CDC42BPG: variants seen among roughly 807,000 people sequenced by gnomAD.
CDC42BPG encodes the protein serine/threonine-protein kinase MRCK gamma.
Under a neutral mutation model 192.2 loss-of-function variants are expected in CDC42BPG, and 157 were observed. That is an observed-to-expected ratio of 0.82 (90% CI 0.72 to 0.93). CDC42BPG has a LOEUF of 0.93. Ranked by LOEUF, CDC42BPG falls within the 40% of genes least tolerant of loss-of-function variation. CDC42BPG has a pLI of 0.00. For missense variants in CDC42BPG, 1,992 were observed against 2,122.1 expected (o/e 0.94, Z 1.20); for synonymous variants, 981 against 918.5 (o/e 1.07, Z -1.23).
In CDC42BPG at chr11:64,823,412, G is replaced by A. The variant is rs1024104137; in HGVS notation, c.*1061C>T. On this transcript the variant is annotated 3_prime_UTR_variant, in exon 37 of 37. Transcript: ENST00000342711. ...CTTTATTGGTTTCTTGCGCCTCACA[G>A]AGCATCAGGGTCTGTCCCTCCTGGG... 4.6e-5 allele frequency: 7 copies of A among 152,254 alleles called. No homozygotes were observed. The highest frequency in any genetic ancestry group is 1.4e-4 in the African/African-American group (6 of 41,544). 9.4% of individuals were successfully genotyped at this position (152,254 alleles called of 1,614,324 possible).
rs879246791 is a variant in CDC42BPG, at chr11:64,836,630, A to G, written c.1385-100T>C. ...CTGTTTCCCACACGCGGGCTCAGAG[A>G]GTATAAAATGCTCTCCCAGGATCAT... On this transcript the variant is annotated intron_variant, in intron 11 of 36. Coordinates refer to ENST00000342711, the MANE Select transcript of CDC42BPG (RefSeq NM_017525.3). The G allele has an allele frequency of 5.4e-5, 66 of 1,226,816 alleles. 1 individual carries two copies. The South Asian group carries it at 8.2e-4, about 15-fold the overall frequency. The allele number at this position is 1,226,816 out of a possible 1,614,324, so 76.0% of individuals were successfully genotyped here. A position where few individuals can be genotyped will look rare whatever the true frequency, so the allele number is the denominator to read the frequency against.
rs1283384199 is a variant in CDC42BPG at position 64,833,925 on chromosome 11, C to T, written c.2466G>A (p.Glu822=). 1.2e-6 allele frequency: 2 copies of T among 1,614,252 alleles called. No individual in the cohort carries two copies. Among genetic ancestry groups the T allele is most frequent in the South Asian group, 1.1e-5 (1 of 91,092 alleles). ...ACAAGCCCCTTGGCCTGGTCCTTACCTCTGAGCTCCGGAAGGACAGGAAGG... is the reference window on the plus strand; with the variant it reads ...ACAAGCCCCTTGGCCTGGTCCTTACTTCTGAGCTCCGGAAGGACAGGAAGG... ...LIPFLSFRSS[E]KDSAKDPGIS... is the part of the protein sequence containing the mutation. The change falls in exon 21 of 37, where the codon GAG becomes GAA. Residue 822 remains glutamate (E), a splice_region_variant and synonymous_variant. Transcript: ENST00000342711.
At chr11:64,831,436 G>A in intron 28 of CDC42BPG, 69 bp downstream of exon 28, 1 of 1,418,950 alleles carries the variant, frequency 7.0e-7, no homozygotes, top group Non-Finnish European at 9.7e-7. Flanking sequence ...GTGGCCCTTG[G>A]GACTATTCCT....
At chr11:64,840,334 G>A (rs533526018) in intron 4 of CDC42BPG, 66 bp from the exon 5 acceptor site, 45 of 1,572,070 alleles carry the variant, frequency 2.9e-5, no homozygotes, top group East Asian at 6.8e-5. Context: ...CCGCGGTCCC[G>A]CAGGGCTCTG....
Position 64,824,279 on chromosome 11 carries a change from G to A in CDC42BPG, c.*194C>T. 2 of 664,668 alleles carry A rather than the reference G, an allele frequency of 3.0e-6. No homozygotes were observed. The highest frequency in any genetic ancestry group is 5.5e-6 in the Non-Finnish European group (2 of 360,736). 41.2% of individuals were successfully genotyped at this position (664,668 alleles called of 1,614,324 possible). A position where few individuals can be genotyped will look rare whatever the true frequency, so the allele number is the denominator to read the frequency against. On this transcript the variant is annotated 3_prime_UTR_variant, in exon 37 of 37. Transcript: ENST00000342711. Reference sequence around the variant, plus strand: ...GCTGGGGCTGGGAACAGAGGGGTAAGGCAGGATGAGGGCTGGGAGTCAGGA... The same window carrying A: ...GCTGGGGCTGGGAACAGAGGGGTAAAGCAGGATGAGGGCTGGGAGTCAGGA...
Position 64,839,524 on chromosome 11 carries a change from C to T in CDC42BPG, c.629G>A (p.Arg210His), listed in dbSNP as rs747223606. The stretch of plus-strand genomic sequence containing the variant: ...CAGGCAGGAGCCGAAGTCAGCCAGG[C>T]GAATGTGCCCGTTCACATCCAGCAG... ...NVLLDVNGHI[R>H]LADFGSCLRL... The change falls in exon 6 of 37, where the codon CGC (arginine) becomes CAC (histidine). Residue 210 changes from arginine (R) to histidine (H), a missense_variant. Physicochemically the swap from Arg to His is conservative, Grantham distance 29. Coordinates refer to ENST00000342711, the MANE Select transcript of CDC42BPG (RefSeq NM_017525.3). The T allele has an allele frequency of 4.4e-5, 71 of 1,613,064 alleles. No individual in the cohort carries two copies. Among genetic ancestry groups the T allele is most frequent in the African/African-American group, 1.5e-4 (11 of 74,938 alleles).
chr11:64,843,884 G>T (rs181514465), intron 1 of CDC42BPG, among the ~76,000 whole-genome samples: 6 of 152,176 alleles, frequency 3.9e-5, no homozygotes, highest in South Asian at 2.1e-4. Flanking sequence ...GTGTGTTGGT[G>T]GGGGGAAGGT....
In CDC42BPG at chr11:64,840,622, A is replaced by G; in HGVS notation, c.363T>C (p.Asp121=). 6.2e-7 allele frequency: 1 copy of G among 1,613,896 alleles called. No homozygotes were observed. Among genetic ancestry groups the G allele is most frequent in the Non-Finnish European group, 8.5e-7 (1 of 1,180,008 alleles). ...AACGGCTGTCCCCTTTCACGAGCAC[A>G]TCCCGCTCCTCCCGGAAACAGGCTG... ...AETACFREER[D]VLVKGDSRWV... The change falls in exon 4 of 37, where the codon GAT becomes GAC. Residue 121 remains aspartate, a synonymous_variant. Transcript: ENST00000342711.
chr11:64,830,177 C>G lies in CDC42BPG; in HGVS notation c.3367+17G>C. 6.2e-7 allele frequency: 1 copy of G among 1,613,620 alleles called. No individual in the cohort carries two copies. On this transcript the variant is annotated intron_variant, in intron 29 of 36. Coordinates refer to ENST00000342711, the MANE Select transcript of CDC42BPG (RefSeq NM_017525.3). Reference sequence around the variant, plus strand: ...TGCCCCTGCCCACGCCCACCCTAGCCCAGCTTTGATAGGTACCGTTGCTGC... The same window carrying G: ...TGCCCCTGCCCACGCCCACCCTAGCGCAGCTTTGATAGGTACCGTTGCTGC...
Position 64,824,386 on chromosome 11 carries a change from G to T in CDC42BPG, c.*87C>A, listed in dbSNP as rs1033643234. The T allele has an allele frequency of 6.1e-6, 6 of 978,442 alleles. No individual in the cohort carries two copies. The highest frequency in any genetic ancestry group is 8.3e-6 in the Non-Finnish European group (5 of 598,962). The allele number at this position is 978,442 out of a possible 1,614,324, so 60.6% of individuals were successfully genotyped here. A position where few individuals can be genotyped will look rare whatever the true frequency, so the allele number is the denominator to read the frequency against. Reference sequence around the variant, plus strand: ...CCCTGAGTCCGAATTTCCATGTCCCGGACCAGCCGGAGTATGGCATTCCTC... The same window carrying T: ...CCCTGAGTCCGAATTTCCATGTCCCTGACCAGCCGGAGTATGGCATTCCTC... On this transcript the variant is annotated 3_prime_UTR_variant, in exon 37 of 37. Transcript: ENST00000342711.
chr11:64,829,800 C>T lies in CDC42BPG; in HGVS notation c.3638G>A (p.Gly1213Glu), dbSNP rs1228550045. The T allele has an allele frequency of 6.2e-7, 1 of 1,602,686 alleles. No individual in the cohort carries two copies. Among genetic ancestry groups the T allele is most frequent in the Non-Finnish European group, 8.5e-7 (1 of 1,176,426 alleles). The change falls in exon 30 of 37, where the codon GGG becomes GAG. Residue 1213 changes from glycine (G) to glutamate (E), a missense_variant. Physicochemically the swap from Gly to Glu is moderately conservative, Grantham distance 98. Transcript: ENST00000342711. The part of the protein sequence containing the change: ...VLCYQLGPGP[G>E]PWQRRIRELQ... ...CTCACGGATGCGGCGCTGCCAGGGC[C>T]CAGGGCCCGGGCCCAGCTGGTAGCA... is the stretch of plus-strand genomic sequence containing the variant.
chr11:64,828,434 G>T (rs988388197), intron 30 of CDC42BPG, among the ~76,000 whole-genome samples: 1 of 152,210 alleles, frequency 6.6e-6, no homozygotes, highest in Non-Finnish European at 1.5e-5. Context: ...AAGTGGAGGC[G>T]ATGAGAGCCG....
intron 28 of CDC42BPG, 129 bp downstream of exon 28, chr11:64,831,376 G>T (rs914447196): frequency 7.3e-6 from 6 of 822,998 alleles, no homozygotes; most frequent in African/African-American, 3.4e-5. Flanking sequence ...GAGCACATAC[G>T]TGGTGCAAGG....
intron 3 of CDC42BPG, 144 bp from the exon 4 acceptor site, chr11:64,840,792 G>A (rs967363286): frequency 2.9e-5 from 20 of 690,352 alleles, no homozygotes; most frequent in Middle Eastern, 2.5e-4. Context: ...GTCTGGCTGC[G>A]ACTGAGCCCA....
At chr11:64,841,786 C>A (rs779591665) in intron 2 of CDC42BPG, 27 bp downstream of exon 2, 1 of 1,613,294 alleles carries the variant, frequency 6.2e-7, no homozygotes, top group Admixed American at 1.7e-5. Flanking sequence ...AACACCTCCC[C>A]CCACCTACCC....
rs1301013823 is a variant in CDC42BPG at position 64,827,671 on chromosome 11, C to T, written c.4065+15G>A. The T allele has an allele frequency of 6.2e-7, 1 of 1,608,116 alleles. No individual in the cohort carries two copies. Among genetic ancestry groups the T allele is most frequent in the South Asian group, 1.1e-5 (1 of 90,718 alleles). On this transcript the variant is annotated intron_variant, in intron 31 of 36. Coordinates refer to ENST00000342711, the MANE Select transcript of CDC42BPG (RefSeq NM_017525.3). ...CCACCCCCGGCGCTACCCCAGGGCTCTGGCGGACCCTCACCTTCTTGAGCG... is the reference window on the plus strand; with the variant it reads ...CCACCCCCGGCGCTACCCCAGGGCTTTGGCGGACCCTCACCTTCTTGAGCG...
intron 9 of CDC42BPG, among the ~76,000 whole-genome samples, 155 bp downstream of exon 9, chr11:64,837,928 A>G (rs979856794): frequency 2.6e-5 from 4 of 152,168 alleles, no homozygotes; most frequent in Non-Finnish European, 5.9e-5. Flanking sequence ...TGGCTTCACC[A>G]GGACCCCGAG....
At position 64,832,808 on chromosome 11, in the gene CDC42BPG, C is replaced by T; in HGVS notation, c.2865+18G>A. 6.3e-7 allele frequency: 1 copy of T among 1,587,718 alleles called. No individual in the cohort carries two copies. The highest frequency in any genetic ancestry group is 8.6e-7 in the Non-Finnish European group (1 of 1,167,378). On this transcript the variant is annotated intron_variant, in intron 25 of 36. Transcript: ENST00000342711. Reference sequence around the variant, plus strand: ...CAGCCCCCCATGCCCATCTTCCCCTCCCTCGGCCCCCACTCACCGACAGAA... The same window carrying T: ...CAGCCCCCCATGCCCATCTTCCCCTTCCTCGGCCCCCACTCACCGACAGAA...
Position 64,826,491 on chromosome 11 carries a change from G to A in CDC42BPG, c.4578C>T (p.Ser1526=). ...TCACCTGCATTAGGGAGGTTGCAGG[G>A]CTCAGCGATCCCTGGGGGCAGGACA... ...ESVSCPQGSL[S]PATSLMQVSE... The change falls in exon 36 of 37, where the codon AGC becomes AGT. Residue 1526 remains serine, a synonymous_variant. Transcript: ENST00000342711. 1.9e-6 allele frequency: 3 copies of A among 1,601,652 alleles called. No individual in the cohort carries two copies. The highest frequency in any genetic ancestry group is 1.7e-6 in the Non-Finnish European group (2 of 1,174,278).
Sources: allele counts gnomAD v4.1 joint callset (sites outside exome capture counted in the v4.1 genomes callset), GRCh38; gene constraint gnomAD v4.1.1; transcripts MANE v1.5; gene names NCBI Gene and HGNC (gene_info 2026-07-23, HGNC 2026-07-21).